The following ZNF675 variants were observed in gnomAD, a reference collection of about 807,000 sequenced individuals.
ZNF675 encodes TRAF6 inhibitory zinc finger.
A neutral mutation model predicts 56.1 loss-of-function variants in ZNF675; 36 were observed. The ratio of observed to expected loss-of-function variants is 0.64; its 90% CI spans 0.49 to 0.85. The LOEUF (loss-of-function observed/expected upper bound fraction) is 0.85. Ranked by LOEUF, ZNF675 falls within the 40% of genes least tolerant of loss-of-function variation. The pLI is 0.00. For missense variants in ZNF675, 663 were observed against 654.2 expected, an observed-to-expected ratio of 1.01 and a Z score of -0.15; for synonymous variants, 200 against 218.9, an observed-to-expected ratio of 0.91 and a Z score of 0.76.
chr19:23,681,671 A>G lies in ZNF675; in HGVS notation c.3+5360T>C, dbSNP rs73551189. ...CCTGATTCAGAGCACAATCCACAAC[A>G]CTGTCTTTACTGCAGATGCCAGTCA... On this transcript the variant is annotated intron_variant, in intron 1 of 3. Coordinates refer to ENST00000359788, the MANE Select transcript of ZNF675 (RefSeq NM_138330.3). Among the ~76,000 whole-genome samples, 74 of 151,876 alleles carry G rather than the reference A, an allele frequency of 4.9e-4. 2 individuals carry two copies. Among genetic ancestry groups the G allele is most frequent in the African/African-American group, 1.7e-3 (68 of 41,194 alleles).
At chr19:23,681,250 G>A (rs1968372644) in intron 1 of ZNF675, among the ~76,000 whole-genome samples, 1 of 151,760 alleles carries the variant, frequency 6.6e-6, no homozygotes, top group South Asian at 2.1e-4. Context: ...TTCGCAAGAA[G>A]CACTAGGATA....
At chr19:23,665,494 T>C (rs1366396954) in intron 1 of ZNF675, among the ~76,000 whole-genome samples, 1 of 151,920 alleles carries the variant, frequency 6.6e-6, no homozygotes, top group African/African-American at 2.4e-5. Flanking sequence ...TTTTTGTTCT[T>C]TGGGTTTTTG....
At chr19:23,676,015 A>G (rs1465482292) in intron 1 of ZNF675, among the ~76,000 whole-genome samples, 4 of 151,392 alleles carry the variant, frequency 2.6e-5, no homozygotes, top group Non-Finnish European at 5.9e-5. Flanking sequence ...GTAATGACAA[A>G]TGGACATTAT....
chr19:23,670,413 T>G (rs1222173518), intron 1 of ZNF675, among the ~76,000 whole-genome samples: 1 of 152,014 alleles, frequency 6.6e-6, no homozygotes, highest in Non-Finnish European at 1.5e-5. Flanking sequence ...TATCAAAACC[T>G]AACAATCTGT....
chr19:23,666,117 T>G (rs952245822), intron 1 of ZNF675, among the ~76,000 whole-genome samples: 1 of 152,182 alleles, frequency 6.6e-6, no homozygotes, highest in Non-Finnish European at 1.5e-5. Context: ...TTCCTAGACC[T>G]AAATGGAAAG....
At chr19:23,674,404 A>C (rs1968268808) in intron 1 of ZNF675, among the ~76,000 whole-genome samples, 3 of 151,536 alleles carry the variant, frequency 2.0e-5, no homozygotes, top group Admixed American at 6.6e-5. Context: ...GCACTTTGGG[A>C]GGCTGAGGCA....
chr19:23,654,196 T>A lies in ZNF675; in HGVS notation c.737A>T (p.Tyr246Phe), dbSNP rs1345955842. Residue 246 changes from tyrosine to phenylalanine, a missense_variant, in exon 4 of 4, where the codon TAT (tyrosine) becomes TTT (phenylalanine). Tyr to Phe is a conservative substitution (Grantham distance 22). Coordinates refer to ENST00000359788, the MANE Select transcript of ZNF675 (RefSeq NM_138330.3). ...TTTCTCTCGAGCATAATCTTTTTTA[T>A]ATTCAGTAAGGTTTGAGAATTGGTT... ...TFNQFSNLTE[Y>F]KKDYAREKPY... The A allele has an allele frequency of 6.2e-7, 1 of 1,613,968 alleles. No homozygotes were observed.
rs1967955800 is a variant in ZNF675 at position 23,654,481 on chromosome 19, T to C, written c.452A>G (p.Lys151Arg). The C allele has an allele frequency of 6.2e-7, 1 of 1,602,356 alleles. No individual in the cohort carries two copies. Among genetic ancestry groups the C allele is most frequent in the African/African-American group, 1.3e-5 (1 of 74,236 alleles). Reference sequence around the variant, plus strand: ...TGAATGTGAAAATTTATTAAAGACTTTCACATATTTATCACATTGAAACAT... The same window carrying C: ...TGAATGTGAAAATTTATTAAAGACTCTCACATATTTATCACATTGAAACAT... ...SKMFQCDKYV[K>R]VFNKFSHSDR... is the part of the protein sequence containing the mutation. Residue 151 changes from lysine to arginine, a missense_variant, in exon 4 of 4, where the codon AAA (lysine) becomes AGA (arginine). Around this residue, in one of 3 missense-constraint regions of ZNF675, gnomAD observed 617 missense variants for 590.5 expected, o/e 1.04. Transcript: ENST00000359788.
intron 1 of ZNF675, among the ~76,000 whole-genome samples, chr19:23,670,063 A>C (rs1472262107): frequency 6.6e-6 from 1 of 151,992 alleles, no homozygotes; most frequent in Non-Finnish European, 1.5e-5. Context: ...TCACCTAATG[A>C]GCCCTCTACT....
intron 1 of ZNF675, among the ~76,000 whole-genome samples, chr19:23,663,422 T>G (rs1202195543): frequency 6.6e-6 from 1 of 152,236 alleles, no homozygotes; most frequent in Non-Finnish European, 1.5e-5. Context: ...TCAGGCACAG[T>G]GGCTCATGCC....
At position 23,666,026 on chromosome 19, in the gene ZNF675, G is replaced by C. The variant is rs543855636; in HGVS notation, c.4-2868C>G. On this transcript the variant is annotated intron_variant, in intron 1 of 3. Coordinates refer to ENST00000359788, the MANE Select transcript of ZNF675 (RefSeq NM_138330.3). ...CAACATCTAAATAAGTCTGCATGTG[G>C]AAACCATGAGGTACACATGTACTAA... 6.6e-5 allele frequency among the ~76,000 whole-genome samples: 10 copies of C among 152,332 alleles called. No homozygotes were observed. The East Asian group carries it at 1.9e-3, about 29-fold the overall frequency.
At chr19:23,670,387 G>A (rs937221499) in intron 1 of ZNF675, among the ~76,000 whole-genome samples, 3 of 152,116 alleles carry the variant, frequency 2.0e-5, no homozygotes, top group Non-Finnish European at 4.4e-5. Flanking sequence ...CCTATGTACA[G>A]CCCTTCATGA....
chr19:23,667,039 C>G (rs1189389119), intron 1 of ZNF675, among the ~76,000 whole-genome samples: 2 of 152,136 alleles, frequency 1.3e-5, no homozygotes, highest in Non-Finnish European at 2.9e-5. Context: ...TGTTACAGCT[C>G]TTAAGGTGGC....
At chr19:23,683,010 G>A (rs1968396433) in intron 1 of ZNF675, among the ~76,000 whole-genome samples, 1 of 151,596 alleles carries the variant, frequency 6.6e-6, no homozygotes, top group Non-Finnish European at 1.5e-5. Flanking sequence ...CCAACATGGT[G>A]AAACCCCATC....
At chr19:23,656,944 A>C (rs918739264) in intron 3 of ZNF675, 9 of 152,110 alleles carry the variant, frequency 5.9e-5, no homozygotes, top group Non-Finnish European at 1.2e-4. Flanking sequence ...TGAAATGTAC[A>C]GTTTTTTTGA....
intron 1 of ZNF675, among the ~76,000 whole-genome samples, chr19:23,682,916 C>T (rs9917052): frequency 0.97 from 147,345 of 151,806 alleles, 71,811 homozygotes; most frequent in Middle Eastern, 1. Context: ...AGGCCGGGCA[C>T]GGTGGCTCAC....
intron 3 of ZNF675, among the ~76,000 whole-genome samples, chr19:23,661,402 A>AT (rs1388589692): frequency 1.9e-3 from 28 of 14,608 alleles, no homozygotes. Context: ...AAATGAAAAA[A>AT]AAAAAGGGCG....
In ZNF675 at chr19:23,674,000, C is replaced by T. The variant is rs188466547; in HGVS notation, c.4-10842G>A. ...GGTGGATCACCTGAGGTCAGGAGTTCGAAACCAGCCTGACCAACATGGTGA... is the reference window on the plus strand; with the variant it reads ...GGTGGATCACCTGAGGTCAGGAGTTTGAAACCAGCCTGACCAACATGGTGA... On this transcript the variant is annotated intron_variant, in intron 1 of 3. Transcript: ENST00000359788. Among the ~76,000 whole-genome samples the T allele has an allele frequency of 3.8e-3, 569 of 151,428 alleles. 26 individuals carry two copies. Among genetic ancestry groups the T allele is most frequent in the African/African-American group, 0.013 (536 of 40,954 alleles).
intron 1 of ZNF675, 118 bp from the exon 2 acceptor site, chr19:23,663,276 T>C: frequency 8.0e-7 from 1 of 1,253,278 alleles, no homozygotes; most frequent in East Asian, 2.7e-5. Flanking sequence ...GTGACTGAAA[T>C]TATCCAATAA....
Sources: gnomAD v4.1 joint callset for allele counts (sites outside exome capture counted in the v4.1 genomes callset) on GRCh38, gnomAD v4.1.1 for gene constraint, gnomAD v4.1.1 regional missense constraint, MANE v1.5 for transcripts, NCBI Gene and HGNC (gene_info 2026-07-23, HGNC 2026-07-21) for gene names.